The following DNAJC5B variants were observed in gnomAD, a reference collection of about 807,000 sequenced individuals.
DNAJC5B encodes the protein DnaJ heat shock protein family (Hsp40) member C5 beta.
A neutral mutation model predicts 24.7 loss-of-function variants in DNAJC5B; 23 were observed. The observed-to-expected ratio is 0.93, with a 90% CI of 0.67 to 1.32. DNAJC5B has a LOEUF of 1.32. Among genes scored for constraint, DNAJC5B ranks in the 40% most tolerant of loss-of-function variants. The pLI is 0.00. For synonymous variants in DNAJC5B, 101 were observed against 90.1 expected (o/e 1.12, Z -0.68); for missense variants, 238 against 240.8 (o/e 0.99, Z 0.08).
chr8:66,092,860 G>A lies in DNAJC5B; in HGVS notation c.506-7077G>A, dbSNP rs145289683. 5.9e-5 allele frequency among the ~76,000 whole-genome samples: 9 copies of A among 152,118 alleles called. No individual in the cohort carries two copies. In the East Asian group the frequency reaches 1.7e-3, roughly 29 times the overall value. On this transcript the variant is annotated intron_variant, in intron 5 of 5. Coordinates refer to ENST00000276570, the MANE Select transcript of DNAJC5B (RefSeq NM_033105.6). ...TTTAGATTCGTGGGTACATGTGCAG[G>A]GTTGTTACATGGGTATATTGTGTGA...
chr8:66,033,548 C>T (rs747465588), intron 1 of DNAJC5B, among the ~76,000 whole-genome samples: 1 of 152,180 alleles, frequency 6.6e-6, no homozygotes, highest in Non-Finnish European at 1.5e-5. Context: ...GGTCTCCAGA[C>T]ACGCATTTGG....
intron 3 of DNAJC5B, among the ~76,000 whole-genome samples, chr8:66,071,734 T>G (rs1807354280): frequency 6.6e-6 from 1 of 152,084 alleles, no homozygotes; most frequent in Admixed American, 6.6e-5. Context: ...CATTCTACTA[T>G]AAAGACACAT....
intron 5 of DNAJC5B, among the ~76,000 whole-genome samples, chr8:66,096,822 A>G (rs1280911573): frequency 6.6e-6 from 1 of 152,128 alleles, no homozygotes; most frequent in Non-Finnish European, 1.5e-5. Context: ...AGAGTACTAT[A>G]TCCATTGGTA....
chr8:66,016,319 T>G, the DNAJC5B span, among the ~76,000 whole-genome samples: 1 of 152,148 alleles, frequency 6.6e-6, no homozygotes, highest in African/African-American at 2.4e-5. Context: ...TGGGAAGTGA[T>G]TGGATTATGG....
At chr8:66,020,718 G>A (rs762103978), upstream of DNAJC5B, among the ~76,000 whole-genome samples, 10 of 151,456 alleles carry the variant, frequency 6.6e-5, no homozygotes, top group Non-Finnish European at 1.2e-4. Context: ...ACTCATTGCA[G>A]CTTCGATATC....
intron 5 of DNAJC5B, among the ~76,000 whole-genome samples, chr8:66,092,065 A>C (rs980487094): frequency 6.6e-6 from 1 of 152,142 alleles, no homozygotes; most frequent in Admixed American, 6.5e-5. Flanking sequence ...CCTTTTGGGG[A>C]GATAAAAATG....
chr8:66,019,382 G>T (rs540958984), upstream of DNAJC5B, among the ~76,000 whole-genome samples: 1 of 152,204 alleles, frequency 6.6e-6, no homozygotes, highest in African/African-American at 2.4e-5. Context: ...ATAGATCAGA[G>T]GTGAAAAAAG....
chr8:66,015,394 A>G, the DNAJC5B span, among the ~76,000 whole-genome samples: 2 of 152,102 alleles, frequency 1.3e-5, no homozygotes, highest in Non-Finnish European at 2.9e-5. Flanking sequence ...AAGGAAATGT[A>G]GTAGATCATT....
At chr8:66,070,727 G>C (rs533564772) in intron 3 of DNAJC5B, among the ~76,000 whole-genome samples, 71 of 152,208 alleles carry the variant, frequency 4.7e-4, no homozygotes, top group African/African-American at 1.6e-3. Flanking sequence ...AACCAAAAAA[G>C]AGCCCGCATA....
intron 3 of DNAJC5B, among the ~76,000 whole-genome samples, chr8:66,068,584 T>A: frequency 6.7e-6 from 1 of 149,078 alleles, no homozygotes; most frequent in Non-Finnish European, 1.5e-5. Flanking sequence ...GGATGAAAAA[T>A]GGAAAAAGAT....
At chr8:66,031,073 T>C (rs893737716) in intron 1 of DNAJC5B, among the ~76,000 whole-genome samples, 1 of 152,232 alleles carries the variant, frequency 6.6e-6, no homozygotes, top group Non-Finnish European at 1.5e-5. Flanking sequence ...CTTCAGCCAC[T>C]TTAGCAGACA....
chr8:66,084,515 A>G (rs1320508175), intron 5 of DNAJC5B, among the ~76,000 whole-genome samples: 1 of 152,118 alleles, frequency 6.6e-6, no homozygotes, highest in African/African-American at 2.4e-5. Context: ...CTTGGGAGGA[A>G]TCTGAGGAAT....
chr8:66,018,444 G>A (rs187700022), upstream of DNAJC5B, among the ~76,000 whole-genome samples: 13 of 152,202 alleles, frequency 8.5e-5, no homozygotes, highest in Middle Eastern at 3.4e-3. Context: ...GCTTGAACCC[G>A]GGAGACAGAG....
intron 2 of DNAJC5B, among the ~76,000 whole-genome samples, chr8:66,048,358 C>T (rs1443703745): frequency 6.6e-6 from 1 of 152,222 alleles, no homozygotes; most frequent in African/African-American, 2.4e-5. Context: ...GCCATGTTCT[C>T]TGTCGCTACT....
At chr8:66,060,006 C>T (rs983334389) in intron 3 of DNAJC5B, among the ~76,000 whole-genome samples, 2 of 152,240 alleles carry the variant, frequency 1.3e-5, no homozygotes, top group Non-Finnish European at 2.9e-5. Flanking sequence ...CTGGGCTGTA[C>T]CTCTGGCAGG....
chr8:66,031,259 A>C (rs538511165), intron 1 of DNAJC5B, among the ~76,000 whole-genome samples: 1 of 152,268 alleles, frequency 6.6e-6, no homozygotes, highest in South Asian at 2.1e-4. Flanking sequence ...TGATACACAC[A>C]TATGTTATTA....
chr8:66,032,994 C>T (rs1806392342), intron 1 of DNAJC5B, among the ~76,000 whole-genome samples: 2 of 152,240 alleles, frequency 1.3e-5, no homozygotes, highest in South Asian at 4.1e-4. Context: ...GCTTCGCCCA[C>T]AGCAAAACTC....
intron 2 of DNAJC5B, among the ~76,000 whole-genome samples, chr8:66,050,330 G>A (rs1389020667): frequency 1.3e-5 from 2 of 152,150 alleles, no homozygotes; most frequent in African/African-American, 2.4e-5. Context: ...TACATGGAGA[G>A]GAATTTTATT....
intron 3 of DNAJC5B, among the ~76,000 whole-genome samples, chr8:66,061,610 A>AGT (rs975887880): frequency 0.011 from 1,554 of 145,010 alleles, 16 homozygotes; most frequent in Admixed American, 0.024. Flanking sequence ...AGAGAGAGAG[A>AGT]GTGTGTGTGT....
Sources: gnomAD v4.1 joint callset for allele counts (sites outside exome capture counted in the v4.1 genomes callset) on GRCh38, gnomAD v4.1.1 for gene constraint, MANE v1.5 for transcripts, NCBI Gene and HGNC (gene_info 2026-07-23, HGNC 2026-07-21) for gene names.